The following PCDH15 variants were observed in gnomAD, a reference collection of about 807,000 sequenced individuals.
PCDH15 encodes the protein protocadherin related 15, also known as protocadherin-15.
In PCDH15, 129 loss-of-function variants were observed where a neutral mutation model predicts 178.5. The ratio of observed to expected loss-of-function variants is 0.72; its 90% CI spans 0.63 to 0.84. The LOEUF is 0.84. PCDH15 is among the 40% of genes least tolerant of loss of function. The pLI, the probability that PCDH15 is intolerant of heterozygous loss-of-function variation, is 0.00. For synonymous variants in PCDH15, 800 were observed against 732.0 expected (o/e 1.09, Z -1.50); for missense variants, 2,230 against 2,099.9 (o/e 1.06, Z -1.21).
intron 18 of PCDH15, among the ~76,000 whole-genome samples, chr10:54,024,785 T>C (rs576044545): frequency 1.7e-4 from 26 of 152,284 alleles, no homozygotes; most frequent in African/African-American, 5.3e-4. Context: ...TTACGAATTA[T>C]TGACAAATCA....
rs556480179 is a variant in PCDH15, at chr10:55,340,243, T to C, written c.-155-173592A>G. 2.0e-5 allele frequency among the ~76,000 whole-genome samples: 3 copies of C among 150,962 alleles called. No individual in the cohort carries two copies. In the East Asian group the frequency reaches 5.8e-4, roughly 29 times the overall value. ...AATACATACACATACTAATGTAATA[T>C]ATACATATATTACATTTCATATATC... is the stretch of plus-strand genomic sequence containing the variant. On this transcript the variant is annotated intron_variant, in intron 2 of 5. Transcript: ENST00000613346.
intron 2 of PCDH15, among the ~76,000 whole-genome samples, chr10:55,552,188 T>C (rs1200642634): frequency 1.3e-5 from 2 of 151,742 alleles, no homozygotes; most frequent in Non-Finnish European, 3.0e-5. Context: ...CTCATATTAA[T>C]TTCAAACTTC....
chr10:54,862,049 TAA>T (rs1490100665), intron 3 of PCDH15, among the ~76,000 whole-genome samples: 1 of 152,154 alleles, frequency 6.6e-6, no homozygotes, highest in Non-Finnish European at 1.5e-5. Context: ...ACTAAATATA[TAA>T]TAACTTCTAA....
chr10:55,467,373 C>CTTTTTTTTTTTTTTTTTTTTTTTTTT lies in PCDH15; in HGVS notation c.-156+160251_-156+160252insAAAAAAAAAAAAAAAAAAAAAAAAAA, dbSNP rs59787759. On this transcript the variant is annotated intron_variant, in intron 2 of 5. Coordinates refer to the PCDH15 transcript ENST00000613346. ...AAAGAAAAGCCTGATCTTGGCCTGA[C>CTTTTTTTTTTTTTTTTTTTTTTTTTT]TTTTTTTTTTTTTTTTTTTTAACTA... is the stretch of plus-strand genomic sequence containing the variant. Among the ~76,000 whole-genome samples, 2 of 87,770 alleles carry CTTTTTTTTTTTTTTTTTTTTTTTTTT rather than the reference C, an allele frequency of 2.3e-5. 1 individual carries two copies. The allele number at this position is 87,770 out of a possible 152,430, so 57.6% of individuals were successfully genotyped here.
intron 20 of PCDH15, among the ~76,000 whole-genome samples, chr10:54,013,110 C>T (rs2092640649): frequency 2.0e-5 from 3 of 151,728 alleles, no homozygotes; most frequent in African/African-American, 7.3e-5. Context: ...AGTTGCTATC[C>T]AAATTTCAGA....
chr10:54,089,890 C>G lies in PCDH15; in HGVS notation c.1997+94G>C. ...GAAAACAGAAAGGGAAGTACAACTA[C>G]AAACAGCTGAAAGCCTCTGATTAGA... On this transcript the variant is annotated intron_variant, in intron 16 of 37. Coordinates refer to ENST00000644397, the MANE Select transcript of PCDH15 (RefSeq NM_001384140.1). The G allele has an allele frequency of 7.3e-6, 7 of 964,372 alleles. No individual in the cohort carries two copies. The Admixed American group carries it at 1.3e-4, about 18-fold the overall frequency. The allele number at this position is 964,372 out of a possible 1,614,324, so 59.7% of individuals were successfully genotyped here.
At chr10:55,571,547 C>T (rs1842407658) in intron 2 of PCDH15, among the ~76,000 whole-genome samples, 1 of 152,066 alleles carries the variant, frequency 6.6e-6, no homozygotes, top group African/African-American at 2.4e-5. Context: ...CTTCATTACA[C>T]ATCAATGTGT....
rs533945047 is a variant in PCDH15, at chr10:54,782,509, C to A, written c.-29+18416G>T. Among the ~76,000 whole-genome samples the A allele has an allele frequency of 1.7e-4, 26 of 152,240 alleles. 1 individual carries two copies. In the South Asian group the frequency reaches 5.4e-3, roughly 32 times the overall value. Reference sequence around the variant, plus strand: ...AAAGTACTAACCTACCAAATCTGTTCTTTTTCTAATTGATTACAGAAGAAT... The same window carrying A: ...AAAGTACTAACCTACCAAATCTGTTATTTTTCTAATTGATTACAGAAGAAT... On this transcript the variant is annotated intron_variant, in intron 1 of 37. Transcript: ENST00000644397.
chr10:54,589,321 T>C (rs1011805853), intron 2 of PCDH15, among the ~76,000 whole-genome samples: 21 of 152,128 alleles, frequency 1.4e-4, no homozygotes, highest in South Asian at 6.2e-4. Flanking sequence ...GGAACACTAT[T>C]CCTCAAGAAA....
intron 1 of PCDH15, among the ~76,000 whole-genome samples, chr10:54,742,343 A>T (rs1336198): frequency 0.22 from 34,004 of 151,896 alleles, 4,138 homozygotes; most frequent in East Asian, 0.34. Flanking sequence ...TCATAAGATG[A>T]TGGCTGGGGA....
At chr10:54,374,727 T>C (rs972676762) in intron 4 of PCDH15, among the ~76,000 whole-genome samples, 1 of 152,006 alleles carries the variant, frequency 6.6e-6, no homozygotes, top group African/African-American at 2.4e-5. Flanking sequence ...GACATAAAAA[T>C]AAATGATGAC....
At chr10:54,198,006 T>C (rs1195046087) in intron 10 of PCDH15, among the ~76,000 whole-genome samples, 1 of 152,162 alleles carries the variant, frequency 6.6e-6, no homozygotes, top group South Asian at 2.1e-4. Flanking sequence ...CATTTAACTT[T>C]TCATTTGGCA....
intron 2 of PCDH15, among the ~76,000 whole-genome samples, chr10:55,150,396 A>G (rs1399851063): frequency 6.6e-6 from 1 of 152,172 alleles, no homozygotes; most frequent in African/African-American, 2.4e-5. Flanking sequence ...TGGCACCAGC[A>G]AAGTCAAAAT....
chr10:55,623,433 G>A (rs1355942001), intron 2 of PCDH15, among the ~76,000 whole-genome samples: 2 of 151,976 alleles, frequency 1.3e-5, no homozygotes, highest in South Asian at 2.1e-4. Flanking sequence ...AATCAATCCT[G>A]TTAAGGAATC....
intron 15 of PCDH15, among the ~76,000 whole-genome samples, chr10:54,110,178 G>A (rs2094991086): frequency 6.6e-6 from 1 of 152,084 alleles, no homozygotes; most frequent in Non-Finnish European, 1.5e-5. Context: ...GTCAAAGCAT[G>A]AGTGGAGTGA....
intron 1 of PCDH15, among the ~76,000 whole-genome samples, chr10:54,669,785 G>C (rs2094628775): frequency 6.6e-6 from 1 of 151,138 alleles, no homozygotes; most frequent in South Asian, 2.1e-4. Context: ...AGGCGCGGTG[G>C]ATCACACCTG....
At chr10:54,510,314 A>T (rs965283531) in intron 3 of PCDH15, among the ~76,000 whole-genome samples, 1 of 152,152 alleles carries the variant, frequency 6.6e-6, no homozygotes, top group African/African-American at 2.4e-5. Context: ...ATCTACCCTG[A>T]TGCCCTGGGA....
intron 2 of PCDH15, among the ~76,000 whole-genome samples, chr10:55,438,572 A>C (rs1839103618): frequency 6.6e-6 from 1 of 152,148 alleles, no homozygotes; most frequent in Non-Finnish European, 1.5e-5. Flanking sequence ...TAAGCCAACA[A>C]TAAAAAGAGG....
Position 54,709,489 on chromosome 10 carries a change from C to T in PCDH15, c.-28-45199G>A, listed in dbSNP as rs368160084. Among the ~76,000 whole-genome samples the T allele has an allele frequency of 1.0e-4, 15 of 150,530 alleles. No homozygotes were observed. In the East Asian group the frequency reaches 2.9e-3, roughly 29 times the overall value. On this transcript the variant is annotated intron_variant, in intron 1 of 37. Coordinates refer to ENST00000644397, the MANE Select transcript of PCDH15 (RefSeq NM_001384140.1). Reference sequence around the variant, plus strand: ...ATATCAATAACAATTGTAATAATATCTACTTCCATTGTTGTTGTGAGGATC... The same window carrying T: ...ATATCAATAACAATTGTAATAATATTTACTTCCATTGTTGTTGTGAGGATC...
Sources: allele counts gnomAD v4.1 joint callset (sites outside exome capture counted in the v4.1 genomes callset), GRCh38; gene constraint gnomAD v4.1.1; transcripts MANE v1.5; gene names NCBI Gene and HGNC (gene_info 2026-07-23, HGNC 2026-07-21).